The following POLB variants were observed in gnomAD, a reference collection of about 807,000 sequenced individuals.
POLB encodes 5'-dRP lyase.
A neutral mutation model predicts 52.7 loss-of-function variants in POLB; 37 were observed. That is an observed-to-expected ratio of 0.70 (90% CI 0.54 to 0.92). The LOEUF (loss-of-function observed/expected upper bound fraction) is 0.92. Among genes scored for constraint, POLB ranks in the 40% least tolerant of loss-of-function variants. The pLI, the probability that POLB is intolerant of heterozygous loss-of-function variation, is 0.00. For synonymous variants in POLB, 138 were observed against 131.3 expected, an observed-to-expected ratio of 1.05 and a Z score of -0.35; for missense variants, 313 against 400.8, an observed-to-expected ratio of 0.78 and a Z score of 1.87.
chr8:42,363,006 C>G (rs1218013127), intron 11 of POLB, among the ~76,000 whole-genome samples: 2 of 151,984 alleles, frequency 1.3e-5, no homozygotes, highest in Non-Finnish European at 2.9e-5. Context: ...TGCCTGTAAT[C>G]CTAGCTACTC....
Position 42,355,573 on chromosome 8 carries a change from A to G in POLB, c.422+6A>G, listed in dbSNP as rs1823260980. On this transcript the variant is annotated splice_donor_region_variant and intron_variant, in intron 7 of 13. Coordinates refer to ENST00000265421, the MANE Select transcript of POLB (RefSeq NM_002690.3). Reference sequence around the variant, plus strand: ...CATCAGCGAATTGGGCTGAAGTAAGATGGCAGATTTTCTTTTGACACTTGA... The same window carrying G: ...CATCAGCGAATTGGGCTGAAGTAAGGTGGCAGATTTTCTTTTGACACTTGA... 1 of 1,578,570 alleles carries G rather than the reference A, an allele frequency of 6.3e-7. No homozygotes were observed. The highest frequency in any genetic ancestry group is 1.1e-5 in the South Asian group (1 of 90,114).
At chr8:42,354,581 C>T (rs1823182749) in intron 6 of POLB, 6 of 632,206 alleles carry the variant, frequency 9.5e-6, no homozygotes, top group Non-Finnish European at 1.3e-5. Flanking sequence ...CAGTCTTGCT[C>T]TGTCTGCCCA....
At chr8:42,348,983 A>G (rs774969667) in intron 3 of POLB, 33 bp from the exon 4 acceptor site, 5 of 1,234,550 alleles carry the variant, frequency 4.1e-6, no homozygotes, top group African/African-American at 1.5e-5. Context: ...CATTATATTC[A>G]TATGACTTTT....
intron 11 of POLB, among the ~76,000 whole-genome samples, chr8:42,368,153 T>TTTTTTA (rs1417791137): frequency 6.6e-6 from 1 of 152,202 alleles, no homozygotes; most frequent in Non-Finnish European, 1.5e-5. Context: ...TAAAATCCTA[T>TTTTTTA]TACTGATGTG....
intron 10 of POLB, 26 bp from the exon 11 acceptor site, chr8:42,362,586 C>G (rs1200501385): frequency 1.5e-6 from 2 of 1,368,810 alleles, no homozygotes; most frequent in Non-Finnish European, 2.1e-6. Context: ...TACTCTTTTT[C>G]TTATTCCCTA....
intron 2 of POLB, among the ~76,000 whole-genome samples, chr8:42,340,432 A>G (rs1822129543): frequency 6.6e-6 from 1 of 152,226 alleles, no homozygotes; most frequent in African/African-American, 2.4e-5. Flanking sequence ...ATATGACTGA[A>G]TTTTGTATTT....
chr8:42,370,825 G>A (rs779839728), intron 13 of POLB, among the ~76,000 whole-genome samples: 23 of 152,320 alleles, frequency 1.5e-4, no homozygotes, highest in Non-Finnish European at 2.9e-4. Context: ...ATCTCATCGT[G>A]TTTTAAGACA....
At chr8:42,349,170 A>T (rs1346732895) in intron 4 of POLB, 80 bp downstream of exon 4, 2 of 760,892 alleles carry the variant, frequency 2.6e-6, no homozygotes, top group Non-Finnish European at 4.5e-6. Flanking sequence ...CAGGGTGACC[A>T]ATGTCATTCA....
At chr8:42,340,322 A>G (rs913424526) in intron 2 of POLB, among the ~76,000 whole-genome samples, 1 of 151,970 alleles carries the variant, frequency 6.6e-6, no homozygotes, top group African/African-American at 2.4e-5. Context: ...CTCATGTAGT[A>G]GGTGGCAGTC....
chr8:42,345,091 C>T (rs1822527649), intron 3 of POLB, 72 bp downstream of exon 3: 2 of 936,486 alleles, frequency 2.1e-6, no homozygotes, highest in Non-Finnish European at 1.7e-6. Flanking sequence ...CCAAACCAAA[C>T]TTGCCTGTCT....
At chr8:42,340,468 G>T (rs2130767680) in intron 2 of POLB, among the ~76,000 whole-genome samples, 1 of 152,280 alleles carries the variant, frequency 6.6e-6, no homozygotes, top group East Asian at 1.9e-4. Flanking sequence ...ATATCCCTAA[G>T]ATATCTTATT....
At chr8:42,347,569 C>T (rs976796784) in intron 3 of POLB, among the ~76,000 whole-genome samples, 2 of 151,766 alleles carry the variant, frequency 1.3e-5, no homozygotes, top group African/African-American at 4.8e-5. Context: ...AGTAGTTTGT[C>T]TTTTATTCCT....
chr8:42,355,385 C>T, intron 6 of POLB, 131 bp from the exon 7 acceptor site: 1 of 628,576 alleles, frequency 1.6e-6, no homozygotes. Flanking sequence ...ATTTTTGTCT[C>T]ATTGTGTTTT....
intron 4 of POLB, among the ~76,000 whole-genome samples, chr8:42,349,457 CG>C (rs1467524642): frequency 6.6e-6 from 1 of 152,132 alleles, no homozygotes; most frequent in Non-Finnish European, 1.5e-5. Flanking sequence ...GGCGCGATCT[CG>C]GCTCACTGCA....
chr8:42,347,283 A>G lies in POLB; in HGVS notation c.187-1733A>G, dbSNP rs559811177. Reference sequence around the variant, plus strand: ...CCTCAGTAATTCTAGAAATTATTCTAGAATTACTCCTCAGTAATTCTAGAA... The same window carrying G: ...CCTCAGTAATTCTAGAAATTATTCTGGAATTACTCCTCAGTAATTCTAGAA... On this transcript the variant is annotated intron_variant, in intron 3 of 13. Transcript: ENST00000265421. Among the ~76,000 whole-genome samples, 6 of 146,846 alleles carry G rather than the reference A, an allele frequency of 4.1e-5. No homozygotes were observed. The South Asian group carries it at 8.7e-4, about 21-fold the overall frequency.
intron 1 of POLB, 67 bp downstream of exon 1, chr8:42,338,752 T>C (rs1822005228): frequency 6.8e-7 from 1 of 1,470,856 alleles, no homozygotes. Context: ...GCCTTCCTTC[T>C]CTCCCACACC....
intron 5 of POLB, among the ~76,000 whole-genome samples, chr8:42,351,866 C>T (rs1282610922): frequency 6.6e-6 from 1 of 152,178 alleles, no homozygotes; most frequent in Non-Finnish European, 1.5e-5. Context: ...TTCCATAGCA[C>T]CTCATACCGT....
intron 9 of POLB, among the ~76,000 whole-genome samples, chr8:42,360,122 ATT>A (rs35244690): frequency 6.9e-6 from 1 of 145,624 alleles, no homozygotes. Flanking sequence ...TAATTTTTGT[ATT>A]TTTTTTTTTT....
chr8:42,341,795 G>A (rs3136724), intron 2 of POLB: 41 of 497,182 alleles, frequency 8.2e-5, no homozygotes, highest in East Asian at 7.0e-4. Flanking sequence ...CTCCTGAGCC[G>A]TGGGGAAGCT....
Sources: gnomAD v4.1 joint callset for allele counts (sites outside exome capture counted in the v4.1 genomes callset) on GRCh38, gnomAD v4.1.1 for gene constraint, MANE v1.5 for transcripts, NCBI Gene and HGNC (gene_info 2026-07-23, HGNC 2026-07-21) for gene names.